Variants in TBX5 observed in about 807,000 individuals in gnomAD.
The protein encoded by TBX5 is T-box transcription factor 5.
In TBX5, 8 loss-of-function variants were observed where a neutral mutation model predicts 51.1. That is an observed-to-expected ratio of 0.16 (90% CI 0.09 to 0.28). TBX5 has a LOEUF of 0.28. Among genes scored for constraint, TBX5 ranks in the 10% least tolerant of loss-of-function variants. TBX5 has a pLI of 1.00. For synonymous variants in TBX5, 302 were observed against 266.4 expected (o/e 1.13, Z -1.30); for missense variants, 589 against 671.7 (o/e 0.88, Z 1.36).
intron 7 of TBX5, among the ~76,000 whole-genome samples, chr12:114,368,696 T>C (rs1462191398): frequency 6.6e-6 from 1 of 152,230 alleles, no homozygotes; most frequent in Non-Finnish European, 1.5e-5. Context: ...GGTACAAGAC[T>C]CTTTCTACTT....
chr12:114,369,236 A>C (rs185074422), intron 7 of TBX5, among the ~76,000 whole-genome samples: 170 of 152,332 alleles, frequency 1.1e-3, no homozygotes, highest in South Asian at 4.1e-3. Context: ...GAGAGTTTAC[A>C]AGAGAATGTA....
chr12:114,393,628 C>G (rs553189944), intron 6 of TBX5, among the ~76,000 whole-genome samples: 2 of 152,284 alleles, frequency 1.3e-5, no homozygotes, highest in Admixed American at 1.3e-4. Flanking sequence ...TCCAACCTGC[C>G]GCTATAGGCA....
intron 2 of TBX5, 43 bp from the exon 3 acceptor site, chr12:114,401,963 T>G (rs1393203267): frequency 6.4e-7 from 1 of 1,556,480 alleles, no homozygotes; most frequent in Non-Finnish European, 8.9e-7. Context: ...GCCCTGGCAG[T>G]AGTGGGCATT....
At chr12:114,356,291 A>G (rs974058725) in intron 8 of TBX5, among the ~76,000 whole-genome samples, 185 bp from the exon 9 acceptor site, 1 of 152,234 alleles carries the variant, frequency 6.6e-6, no homozygotes, top group African/African-American at 2.4e-5. Flanking sequence ...ATGGAGTTCT[A>G]TGCAAACAGT....
intron 3 of TBX5, 65 bp from the exon 4 acceptor site, chr12:114,399,697 C>G: frequency 6.2e-7 from 1 of 1,611,916 alleles, no homozygotes; most frequent in Non-Finnish European, 8.5e-7. Context: ...AAGGCAGCCT[C>G]CATCCATTTT....
At position 114,355,573 on chromosome 12, in the gene TBX5, G is replaced by A. The variant is rs1868839396; in HGVS notation, c.1516C>T (p.His506Tyr). ...CACTCTGGCACCATGCCAACTCCGT[G>A]CACAGAGTGGTACTGATGAGGGGAT... ...TLSPHQYHSV[H>Y]GVGMVPEWSD... is the part of the protein sequence containing the mutation. Residue 506 changes from histidine (H) to tyrosine (Y), a missense_variant, in exon 9 of 9, where the codon CAC (histidine) becomes TAC (tyrosine). By Grantham distance (83) the His-to-Tyr change is moderately conservative (BLOSUM62 2). Coordinates refer to ENST00000405440, the MANE Select transcript of TBX5 (RefSeq NM_181486.4). The A allele has an allele frequency of 6.2e-7, 1 of 1,614,190 alleles. No homozygotes were observed. The highest frequency in any genetic ancestry group is 8.5e-7 in the Non-Finnish European group (1 of 1,180,048).
intron 7 of TBX5, among the ~76,000 whole-genome samples, chr12:114,374,163 T>C (rs1321715436): frequency 6.6e-6 from 1 of 152,264 alleles, no homozygotes; most frequent in Non-Finnish European, 1.5e-5. Context: ...ATAAATGTTT[T>C]CTGTGCTAAT....
At position 114,404,859 on chromosome 12, in the gene TBX5, G is replaced by T. The variant is rs532479898; in HGVS notation, c.-39+769C>A. 3.3e-5 allele frequency among the ~76,000 whole-genome samples: 5 copies of T among 152,324 alleles called. No individual in the cohort carries two copies. In the East Asian group the frequency reaches 7.7e-4, roughly 24 times the overall value. ...ATTGGCGAGGACAAAATCATTCTCG[G>T]ATAAGTCCTAGGCTGGAGACATTGA... On this transcript the variant is annotated intron_variant, in intron 1 of 8. Coordinates refer to ENST00000405440, the MANE Select transcript of TBX5 (RefSeq NM_181486.4).
rs1593836807 is a variant in TBX5 at position 114,355,996 on chromosome 12, C to T, written c.1093G>A (p.Gly365Ser). ...GCCGACTCTGTCCTGTAGGAGGCAC[C>T]CAGGCCCTGCTGCTGTGGATAGCTA... ...RSSYPQQQGLGASYRTESAQR... is the reference protein window; with the variant it reads ...RSSYPQQQGLSASYRTESAQR... The change falls in exon 9 of 9, where the codon GGT becomes AGT. Residue 365 changes from glycine (G) to serine (S), a missense_variant. This residue lies in a region of TBX5 where 348 missense variants were observed against 360.4 expected (regional missense o/e 0.97). Transcript: ENST00000405440. The T allele has an allele frequency of 6.2e-7, 1 of 1,614,084 alleles. No individual in the cohort carries two copies. Among genetic ancestry groups the T allele is most frequent in the South Asian group, 1.1e-5 (1 of 91,070 alleles).
intron 2 of TBX5, among the ~76,000 whole-genome samples, chr12:114,402,571 A>G (rs1035645540): frequency 6.6e-6 from 1 of 152,208 alleles, no homozygotes; most frequent in Non-Finnish European, 1.5e-5. Flanking sequence ...AAATATCTAT[A>G]TTAACAAACC....
chr12:114,398,951 G>A (rs1296444264), intron 4 of TBX5, among the ~76,000 whole-genome samples: 1 of 152,030 alleles, frequency 6.6e-6, no homozygotes. Context: ...ACAGCCTCTC[G>A]CATCCCACAA....
intron 6 of TBX5, among the ~76,000 whole-genome samples, chr12:114,392,694 A>G (rs1375340763): frequency 1.4e-5 from 2 of 144,960 alleles, no homozygotes; most frequent in Non-Finnish European, 3.0e-5. Flanking sequence ...ATATACATAT[A>G]TAGGAAGAAT....
chr12:114,365,143 G>A (rs1869444437), intron 8 of TBX5, among the ~76,000 whole-genome samples: 1 of 151,424 alleles, frequency 6.6e-6, no homozygotes, highest in East Asian at 1.9e-4. Context: ...TTAAATGGGG[G>A]ATGAGACGGG....
chr12:114,378,825 A>G (rs912717692), intron 7 of TBX5, among the ~76,000 whole-genome samples: 8 of 152,080 alleles, frequency 5.3e-5, no homozygotes, highest in African/African-American at 1.9e-4. Context: ...TTTAGTAGAG[A>G]CGGGGTTTCA....
At chr12:114,371,974 G>T (rs1185303622) in intron 7 of TBX5, among the ~76,000 whole-genome samples, 1 of 152,152 alleles carries the variant, frequency 6.6e-6, no homozygotes, top group African/African-American at 2.4e-5. Context: ...GGAGAAGGGC[G>T]CTGGGTACCA....
chr12:114,360,313 C>G (rs917828849), intron 8 of TBX5, among the ~76,000 whole-genome samples: 2 of 135,976 alleles, frequency 1.5e-5, no homozygotes, highest in Admixed American at 1.7e-4. Flanking sequence ...GAAAAGGTAG[C>G]AAACCTTGAC....
chr12:114,406,968 G>C (rs1522369), upstream of TBX5: 56 of 783,140 alleles, frequency 7.2e-5, no homozygotes, highest in Non-Finnish European at 8.7e-5. Context: ...GTAAATGTCA[G>C]GAGTCCTGTT....
At chr12:114,398,492 A>C in intron 5 of TBX5, 81 bp downstream of exon 5, 1 of 1,556,912 alleles carries the variant, frequency 6.4e-7, no homozygotes, top group Non-Finnish European at 8.7e-7. Context: ...CACAGAGCCA[A>C]GAAGGGAGAG....
intron 8 of TBX5, among the ~76,000 whole-genome samples, chr12:114,356,990 C>G (rs374074537): frequency 2.1e-5 from 3 of 143,202 alleles, no homozygotes; most frequent in Non-Finnish European, 3.1e-5. Flanking sequence ...AATATTTGTA[C>G]GATGGATGGA....
Sources: gnomAD v4.1 joint callset for allele counts (sites outside exome capture counted in the v4.1 genomes callset) on GRCh38, gnomAD v4.1.1 for gene constraint, gnomAD v4.1.1 regional missense constraint, MANE v1.5 for transcripts, NCBI Gene and HGNC (gene_info 2026-07-23, HGNC 2026-07-21) for gene names.